Variants in DNAH2 observed in about 807,000 individuals in gnomAD.
The protein encoded by DNAH2 is axonemal beta dynein heavy chain 2.
Under a neutral mutation model 523.5 loss-of-function variants are expected in DNAH2, and 323 were observed. The ratio of observed to expected loss-of-function variants is 0.62; its 90% CI spans 0.56 to 0.68. The LOEUF (loss-of-function observed/expected upper bound fraction) is 0.68, where lower values mean the gene tolerates loss of function less well. Ranked by LOEUF, DNAH2 falls within the 30% of genes least tolerant of loss-of-function variation. The pLI, the probability that DNAH2 is intolerant of heterozygous loss-of-function variation, is 0.00. For synonymous variants in DNAH2, 2,093 were observed against 2,177.4 expected (o/e 0.96, Z 1.08); for missense variants, 4,907 against 5,701.5 (o/e 0.86, Z 4.49).
chr17:7,781,690 T>A (rs1002038793), intron 39 of DNAH2, among the ~76,000 whole-genome samples: 1 of 152,230 alleles, frequency 6.6e-6, no homozygotes, highest in Admixed American at 6.5e-5. Context: ...CCTCCTCCGC[T>A]GACCTACTCA....
intron 58 of DNAH2, 71 bp from the exon 59 acceptor site, chr17:7,804,185 G>A (rs2077299234): frequency 1.3e-6 from 2 of 1,511,316 alleles, no homozygotes; most frequent in Admixed American, 3.7e-5. Flanking sequence ...CACGGGGAAG[G>A]TGGACCTTAC....
intron 3 of DNAH2, among the ~76,000 whole-genome samples, chr17:7,724,979 C>G (rs1273045037): frequency 6.6e-6 from 1 of 151,842 alleles, no homozygotes; most frequent in Non-Finnish European, 1.5e-5. Flanking sequence ...CTGACTTCAG[C>G]TGATCCACCT....
Position 7,780,706 on chromosome 17 carries a change from G to T in DNAH2, c.5927G>T (p.Gly1976Val). The T allele has an allele frequency of 2.5e-6, 4 of 1,614,174 alleles. No homozygotes were observed. Among genetic ancestry groups the T allele is most frequent in the Non-Finnish European group, 3.4e-6 (4 of 1,180,046 alleles). The change falls in exon 38 of 86, where the codon GGC (glycine) becomes GTC (valine). Residue 1976 changes from glycine (G) to valine (V), a missense_variant. Gly to Val is a moderately radical substitution (Grantham distance 109). Transcript: ENST00000572933. This position sits in a 1 kb window ranked among gnomAD's most constrained non-coding sequence, Gnocchi z 4.4. ...QLSRQDHYDF[G>V]LRALTSLLRY... is the part of the protein sequence containing the mutation. ...TCCAGACAGGACCACTATGACTTTG[G>T]CCTGCGTGCCCTCACCTCCCTTCTG...
At chr17:7,785,793 A>G (rs2076717556) in intron 39 of DNAH2, among the ~76,000 whole-genome samples, 1 of 152,236 alleles carries the variant, frequency 6.6e-6, no homozygotes, top group Non-Finnish European at 1.5e-5. Flanking sequence ...TACATTGTAC[A>G]GGCTTAATAA....
chr17:7,775,153 C>A, intron 29 of DNAH2, 88 bp from the exon 30 acceptor site: 1 of 1,359,610 alleles, frequency 7.4e-7, no homozygotes, highest in Non-Finnish European at 1.0e-6. Flanking sequence ...GGGAGAGGAG[C>A]AGTAATTATC....
rs554962327 is a variant in DNAH2, at chr17:7,833,258, T to C, written c.13129+37T>C. On this transcript the variant is annotated intron_variant, in intron 85 of 85. Transcript: ENST00000572933. ...CCCCAGGCAGGACCTGCCTGCCCCGTCCCTAGTTTGGAACTTAACCCATTC... is the reference window on the plus strand; with the variant it reads ...CCCCAGGCAGGACCTGCCTGCCCCGCCCCTAGTTTGGAACTTAACCCATTC... 1.1e-4 allele frequency: 170 copies of C among 1,606,504 alleles called. 3 individuals are homozygous for C. In the South Asian group the frequency reaches 1.8e-3, roughly 17 times the overall value.
chr17:7,768,915 A>G (rs2076242382), intron 24 of DNAH2, among the ~76,000 whole-genome samples: 1 of 152,182 alleles, frequency 6.6e-6, no homozygotes. Context: ...TTCTTTGTAT[A>G]TATACACCAC....
At chr17:7,808,191 T>G (rs1352681774) in intron 63 of DNAH2, among the ~76,000 whole-genome samples, 1 of 151,906 alleles carries the variant, frequency 6.6e-6, no homozygotes, top group Admixed American at 6.6e-5. Flanking sequence ...GCCAACATGG[T>G]GAAACCCTAT....
chr17:7,763,201 C>T (rs1378826467), intron 18 of DNAH2, among the ~76,000 whole-genome samples: 1 of 152,126 alleles, frequency 6.6e-6, no homozygotes, highest in Non-Finnish European at 1.5e-5. Context: ...CTCTGTCGCC[C>T]AGGCTGGAGT....
intron 76 of DNAH2, 49 bp downstream of exon 76, chr17:7,824,353 C>G: frequency 6.7e-7 from 1 of 1,488,492 alleles, no homozygotes; most frequent in Non-Finnish European, 8.9e-7. Flanking sequence ...CAGTCCTTGT[C>G]CCTAGAACCT....
chr17:7,742,821 A>G, intron 11 of DNAH2, 107 bp from the exon 12 acceptor site: 2 of 663,880 alleles, frequency 3.0e-6, no homozygotes, highest in Admixed American at 4.2e-5. Flanking sequence ...CCTTATGCAT[A>G]TTGTTGGGGT....
chr17:7,792,366 A>T, intron 46 of DNAH2, 23 bp downstream of exon 46: 3 of 1,612,160 alleles, frequency 1.9e-6, no homozygotes, highest in Non-Finnish European at 2.5e-6. Flanking sequence ...CCTGGGTGTG[A>T]GGAGGGCATG....
chr17:7,740,069 G>A (rs578256481), intron 9 of DNAH2, 131 bp downstream of exon 9: 43 of 767,164 alleles, frequency 5.6e-5, no homozygotes, highest in African/African-American at 4.8e-4. Flanking sequence ...GGTGGCCCGG[G>A]GGGGGGGACA....
At position 7,739,927 on chromosome 17, in the gene DNAH2, AG is replaced by A; in HGVS notation, c.1366del (p.Asp456ThrfsTer14). The A allele has an allele frequency of 6.2e-7, 1 of 1,613,894 alleles. No homozygotes were observed. Among genetic ancestry groups the A allele is most frequent in the South Asian group, 1.1e-5 (1 of 91,054 alleles). ...ATGTCAAGAACACCTGTTGGCATGA[AG>A]ACTACAATAAGTGAGGGAACCACAG... ...LDVKNTCWHE[D>X]YNKFRAGIKD... is the part of the protein sequence containing the mutation. On this transcript the variant is annotated frameshift_variant, in exon 9 of 86. Coordinates refer to ENST00000572933, the MANE Select transcript of DNAH2 (RefSeq NM_020877.5). LOFTEE classifies it high-confidence loss of function.
chr17:7,734,358 A>G (rs2151138812), intron 6 of DNAH2, 65 bp downstream of exon 6: 2 of 1,602,362 alleles, frequency 1.2e-6, no homozygotes, highest in African/African-American at 1.3e-5. Context: ...GGAGGCTCGG[A>G]TGCTGACAAT....
In DNAH2 at chr17:7,833,585, A is replaced by G. The variant is rs941295677; in HGVS notation, c.*52A>G. The G allele has an allele frequency of 1.3e-5, 21 of 1,605,996 alleles. No homozygotes were observed. The highest frequency in any genetic ancestry group is 1.7e-5 in the Non-Finnish European group (20 of 1,179,458). On this transcript the variant is annotated 3_prime_UTR_variant, in exon 86 of 86. Transcript: ENST00000572933. ...GAGAGGGTCAGGGACTCCAGGAGCT[A>G]AGACAGATGTTGCACCTAGGACTGA...
chr17:7,739,618 T>TC (rs2151149519), intron 8 of DNAH2, 115 bp from the exon 9 acceptor site: 1 of 975,858 alleles, frequency 1.0e-6, no homozygotes, highest in East Asian at 2.6e-5. Context: ...TTTTTTTTTT[T>TC]TTCACTTGCC....
rs1567757124 is a variant in DNAH2, at chr17:7,821,758, T to A, written c.11142+389T>A. On this transcript the variant is annotated intron_variant, in intron 73 of 85. Transcript: ENST00000572933. The surrounding 1 kb of genome is among the most constrained non-coding windows in gnomAD (Gnocchi z 5.0). ...TGTCGCATCTACCGCTCTGGCTAGA[T>A]CCAGCTCCTCTTCCCCTCTGTCCCT... is the stretch of plus-strand genomic sequence containing the variant. Among the ~76,000 whole-genome samples, 1 of 152,072 alleles carries A rather than the reference T, an allele frequency of 6.6e-6. No homozygotes were observed. The highest frequency in any genetic ancestry group is 1.5e-5 in the Non-Finnish European group (1 of 68,022).
chr17:7,755,059 C>T lies in DNAH2; in HGVS notation c.1905-2032C>T, dbSNP rs183759145. The T allele has an allele frequency of 8.7e-5, 24 of 275,452 alleles. No individual in the cohort carries two copies. The East Asian group carries it at 1.4e-3, about 16-fold the overall frequency. The allele number at this position is 275,452 out of a possible 1,614,324, so 17.1% of individuals were successfully genotyped here. A position where few individuals can be genotyped will look rare whatever the true frequency, so the allele number is the denominator to read the frequency against. On this transcript the variant is annotated intron_variant, in intron 12 of 85. Coordinates refer to ENST00000572933, the MANE Select transcript of DNAH2 (RefSeq NM_020877.5). ...CTATCATAAATGGGAGAAATTGTAG[C>T]GTGGAAACAGGTAAGTGCATACGTT... is the stretch of plus-strand genomic sequence containing the variant.
Sources: gnomAD v4.1 joint callset for allele counts (sites outside exome capture counted in the v4.1 genomes callset) on GRCh38, gnomAD v4.1.1 for gene constraint, Gnocchi (gnomAD v3.1) non-coding constraint, MANE v1.5 for transcripts, NCBI Gene and HGNC (gene_info 2026-07-23, HGNC 2026-07-21) for gene names.